Variants in CNTNAP2 observed in about 807,000 individuals in gnomAD.
CNTNAP2 encodes contactin associated protein 2, also known as contactin-associated protein-like 2.
CNTNAP2 carries 98 observed loss-of-function variants against 155.2 expected under a neutral mutation model. The observed-to-expected ratio is 0.63, with a 90% CI of 0.54 to 0.75. The LOEUF is 0.75. Ranked by LOEUF, CNTNAP2 falls within the 30% of genes least tolerant of loss-of-function variation. CNTNAP2 has a pLI of 0.00. For missense variants in CNTNAP2, 1,727 were observed against 1,688.1 expected (o/e 1.02, Z -0.40); for synonymous variants, 651 against 631.2 (o/e 1.03, Z -0.47).
intron 15 of CNTNAP2, among the ~76,000 whole-genome samples, chr7:147,997,480 C>T (rs769470532): frequency 3.3e-5 from 5 of 151,302 alleles, no homozygotes; most frequent in Non-Finnish European, 5.9e-5. Context: ...TCGCTTGAAC[C>T]GGGAGGCGGA....
intron 13 of CNTNAP2, among the ~76,000 whole-genome samples, chr7:147,766,047 A>G (rs1450248810): frequency 6.6e-6 from 1 of 152,176 alleles, no homozygotes; most frequent in Non-Finnish European, 1.5e-5. Flanking sequence ...TGGAAATGAG[A>G]TCGGTGGTAG....
intron 1 of CNTNAP2, among the ~76,000 whole-genome samples, chr7:146,133,716 A>T (rs1444126326): frequency 6.6e-6 from 1 of 152,150 alleles, no homozygotes; most frequent in African/African-American, 2.4e-5. Context: ...CAAAGGTCAG[A>T]TAGTTGTAAA....
chr7:147,795,867 T>C (rs1563092166), intron 13 of CNTNAP2, among the ~76,000 whole-genome samples: 1 of 152,264 alleles, frequency 6.6e-6, no homozygotes, highest in East Asian at 1.9e-4. Context: ...ATATGCTAAA[T>C]TTCCAGTAAT....
intron 3 of CNTNAP2, among the ~76,000 whole-genome samples, chr7:146,900,235 A>G (rs903140389): frequency 4.6e-5 from 7 of 152,150 alleles, no homozygotes; most frequent in Non-Finnish European, 5.9e-5. Flanking sequence ...AGCATAGTCA[A>G]TCACCAAATT....
At chr7:146,561,740 A>G (rs75798141) in intron 1 of CNTNAP2, among the ~76,000 whole-genome samples, 3,548 of 152,236 alleles carry the variant, frequency 0.023, 135 homozygotes, top group African/African-American at 0.081. Flanking sequence ...AAATGATATG[A>G]AATTCCGGCA....
intron 12 of CNTNAP2, among the ~76,000 whole-genome samples, chr7:147,612,890 T>C (rs554583121): frequency 6.6e-6 from 1 of 152,348 alleles, no homozygotes; most frequent in African/African-American, 2.4e-5. Context: ...TGTTTTATTT[T>C]CAAATATTTT....
At chr7:147,188,026 A>C (rs1802603219) in intron 8 of CNTNAP2, among the ~76,000 whole-genome samples, 1 of 152,164 alleles carries the variant, frequency 6.6e-6, no homozygotes, top group Admixed American at 6.5e-5. Flanking sequence ...GTGCCACTGC[A>C]CTCCAGCCAG....
chr7:147,581,952 T>A (rs1800510090), intron 12 of CNTNAP2, among the ~76,000 whole-genome samples: 1 of 152,152 alleles, frequency 6.6e-6, no homozygotes, highest in South Asian at 2.1e-4. Flanking sequence ...GATTATATAA[T>A]TTTTTCTCCT....
At chr7:146,772,149 A>G (rs1041945890) in intron 1 of CNTNAP2, among the ~76,000 whole-genome samples, 12 of 152,106 alleles carry the variant, frequency 7.9e-5, no homozygotes, top group African/African-American at 2.9e-4. Flanking sequence ...GAGAAAGACA[A>G]CAAAACAATT....
intron 4 of CNTNAP2, among the ~76,000 whole-genome samples, chr7:147,045,515 A>G (rs1278103005): frequency 6.6e-6 from 1 of 152,212 alleles, no homozygotes; most frequent in Non-Finnish European, 1.5e-5. Context: ...TTTGGTTACC[A>G]TTTTATTGTA....
chr7:148,370,453 C>T (rs969133792), intron 21 of CNTNAP2, among the ~76,000 whole-genome samples: 1 of 152,204 alleles, frequency 6.6e-6, no homozygotes, highest in Non-Finnish European at 1.5e-5. Context: ...CTTTACTCCT[C>T]AGGCTGTTTC....
At chr7:148,241,817 T>C (rs1421632804) in intron 20 of CNTNAP2, among the ~76,000 whole-genome samples, 1 of 152,278 alleles carries the variant, frequency 6.6e-6, no homozygotes, top group African/African-American at 2.4e-5. Context: ...ATTTGTTTTC[T>C]AAAGCAATTT....
chr7:146,976,849 G>A (rs1167887281), intron 3 of CNTNAP2, among the ~76,000 whole-genome samples: 1 of 152,142 alleles, frequency 6.6e-6, no homozygotes, highest in African/African-American at 2.4e-5. Context: ...TCTTGGCCTC[G>A]CTGTGCAGTA....
rs563709685 is a variant in CNTNAP2, at chr7:147,112,303, G to T, written c.754+3953G>T. On this transcript the variant is annotated intron_variant, in intron 5 of 23. Coordinates refer to ENST00000361727, the MANE Select transcript of CNTNAP2 (RefSeq NM_014141.6). ...AGATGATGAGGTTTCCTAGTTACAG[G>T]ATCATGACATCTGCAAAGATAATTT... 5.9e-5 allele frequency among the ~76,000 whole-genome samples: 9 copies of T among 152,200 alleles called. No individual in the cohort carries two copies. The East Asian group carries it at 1.7e-3, about 29-fold the overall frequency.
intron 12 of CNTNAP2, among the ~76,000 whole-genome samples, chr7:147,569,409 C>A (rs976917456): frequency 1.3e-5 from 2 of 152,068 alleles, no homozygotes; most frequent in African/African-American, 4.8e-5. Flanking sequence ...TCCTATAGTA[C>A]AGTCATGCAC....
At chr7:147,601,644 A>ATATAT (rs1554410012) in intron 12 of CNTNAP2, among the ~76,000 whole-genome samples, 18 of 87,458 alleles carry the variant, frequency 2.1e-4, no homozygotes, top group South Asian at 7.4e-4. Context: ...CTTAAAAAAA[A>ATATAT]ATATATATAT....
chr7:148,391,549 T>A (rs1799350293), intron 22 of CNTNAP2, among the ~76,000 whole-genome samples: 1 of 152,224 alleles, frequency 6.6e-6, no homozygotes, highest in Non-Finnish European at 1.5e-5. Context: ...AACCATTATA[T>A]GGTCCTTAGG....
At chr7:147,348,685 T>C (rs866670346) in intron 9 of CNTNAP2, among the ~76,000 whole-genome samples, 4 of 152,008 alleles carry the variant, frequency 2.6e-5, no homozygotes, top group Admixed American at 6.6e-5. Flanking sequence ...CAAAGAGATA[T>C]CTACACCCCC....
chr7:146,927,657 A>AT (rs888186081), intron 3 of CNTNAP2, among the ~76,000 whole-genome samples: 3 of 152,024 alleles, frequency 2.0e-5, no homozygotes, highest in African/African-American at 7.2e-5. Flanking sequence ...TTTCTATGAC[A>AT]TTTTTAAGAA....
Sources: allele counts gnomAD v4.1 joint callset (sites outside exome capture counted in the v4.1 genomes callset), GRCh38; gene constraint gnomAD v4.1.1; transcripts MANE v1.5; gene names NCBI Gene and HGNC (gene_info 2026-07-23, HGNC 2026-07-21).